Variants in GCNT1 observed in about 807,000 individuals in gnomAD.
The protein encoded by GCNT1 is glucosaminyl (N-acetyl) transferase 1, also known as beta-1,3-galactosyl-O-glycosyl-glycoprotein beta-1,6-N-acetylglucosaminyltransferase.
GCNT1 carries 16 observed loss-of-function variants against 26.2 expected under a neutral mutation model. That is an observed-to-expected ratio of 0.61 (90% CI 0.41 to 0.93). The LOEUF is 0.93. GCNT1 is among the 40% of genes least tolerant of loss of function. The probability of loss-of-function intolerance (pLI) is 0.00; values close to 1 mark genes in which losing one functional copy is unlikely to be tolerated. For missense variants in GCNT1, 477 were observed against 526.7 expected (o/e 0.91, Z 0.92); for synonymous variants, 183 against 190.8 (o/e 0.96, Z 0.34).
At position 76,504,758 on chromosome 9, in the gene GCNT1, A is replaced by C. The variant is rs1281381064; in HGVS notation, c.*1090A>C. 4.8e-6 allele frequency: 2 copies of C among 413,352 alleles called. No individual in the cohort carries two copies. Among genetic ancestry groups the C allele is most frequent in the Non-Finnish European group, 8.8e-6 (2 of 226,144 alleles). The allele number at this position is 413,352 out of a possible 1,614,324, so 25.6% of individuals were successfully genotyped here. Reference sequence around the variant, plus strand: ...CTAATGTCACCTGTATATTCATTTGAAAGGACTTGGCCCTGTTCTTGGGTC... The same window carrying C: ...CTAATGTCACCTGTATATTCATTTGCAAGGACTTGGCCCTGTTCTTGGGTC... On this transcript the variant is annotated 3_prime_UTR_variant, in exon 4 of 4. Coordinates refer to ENST00000376730, the MANE Select transcript of GCNT1 (RefSeq NM_001490.5).
intron 2 of GCNT1, among the ~76,000 whole-genome samples, chr9:76,492,242 A>T (rs1294381676): frequency 2.0e-5 from 3 of 152,286 alleles, no homozygotes; most frequent in South Asian, 4.1e-4. Flanking sequence ...CGGACAACAA[A>T]TGGGTAACTT....
chr9:76,463,066 A>G (rs533418607), intron 2 of GCNT1, among the ~76,000 whole-genome samples: 6 of 152,360 alleles, frequency 3.9e-5, no homozygotes, highest in African/African-American at 9.6e-5. Context: ...GCGCTACATA[A>G]TGTATGATAT....
chr9:76,497,844 CTAA>C (rs1269663479), intron 2 of GCNT1, among the ~76,000 whole-genome samples: 1 of 152,146 alleles, frequency 6.6e-6, no homozygotes, highest in Non-Finnish European at 1.5e-5. Context: ...TGTTACTATT[CTAA>C]TAATAGCTTT....
chr9:76,407,057 AG>A, the GCNT1 span, among the ~76,000 whole-genome samples: 1 of 152,096 alleles, frequency 6.6e-6, no homozygotes, highest in Non-Finnish European at 1.5e-5. Context: ...TAAAATAAAA[AG>A]TCATTCCCAT....
At position 76,428,292 on chromosome 9, in the gene GCNT1, T is replaced by TAAAAAAAAAAAA. The variant is rs1279001629; in HGVS notation, n.38+8416_38+8417insAAAAAAAAAAAA. On this transcript the variant is annotated intron_variant and non_coding_transcript_variant, in intron 1 of 3. Coordinates refer to the GCNT1 transcript ENST00000488136. ...AAAAAAAAAAAAAAAAAAAAAAACT[T>TAAAAAAAAAAAA]AAAAAAAAAAAGAGAGAGAGAAATG... Among the ~76,000 whole-genome samples, 409 of 85,818 alleles carry TAAAAAAAAAAAA rather than the reference T, an allele frequency of 4.8e-3. 18 individuals are homozygous for TAAAAAAAAAAAA. The highest frequency in any genetic ancestry group is 8.0e-3 in the Non-Finnish European group (309 of 38,732). The allele number at this position is 85,818 out of a possible 152,430, so 56.3% of individuals were successfully genotyped here. A position where few individuals can be genotyped will look rare whatever the true frequency, so the allele number is the denominator to read the frequency against.
chr9:76,471,586 G>A (rs1824133409), intron 2 of GCNT1, among the ~76,000 whole-genome samples: 2 of 152,120 alleles, frequency 1.3e-5, no homozygotes, highest in Admixed American at 6.5e-5. Context: ...AAACTTATGA[G>A]TTCCCTGAAA....
intron 2 of GCNT1, among the ~76,000 whole-genome samples, chr9:76,493,165 C>A (rs954827669): frequency 1.3e-5 from 2 of 152,142 alleles, no homozygotes; most frequent in African/African-American, 4.8e-5. Context: ...TCTCCTTCAT[C>A]CTTCTAGAAC....
intron 2 of GCNT1, among the ~76,000 whole-genome samples, chr9:76,468,579 G>A (rs1824059550): frequency 6.6e-6 from 1 of 152,182 alleles, no homozygotes; most frequent in Non-Finnish European, 1.5e-5. Flanking sequence ...GCCCTGGGGA[G>A]GGAGCAGGAC....
chr9:76,499,231 G>A (rs1166806382), intron 2 of GCNT1, among the ~76,000 whole-genome samples: 5 of 151,966 alleles, frequency 3.3e-5, no homozygotes, highest in Non-Finnish European at 1.5e-5. Flanking sequence ...AAGTTCAAGC[G>A]ATTCTCCTGC....
intron 2 of GCNT1, among the ~76,000 whole-genome samples, chr9:76,495,176 G>T (rs1824871900): frequency 1.3e-5 from 2 of 152,194 alleles, no homozygotes. Context: ...GATGTGTCCA[G>T]CATTGGTTCC....
In GCNT1 at chr9:76,425,000, G is replaced by A. The variant is rs183500034; in HGVS notation, n.38+5113G>A. Among the ~76,000 whole-genome samples, 282 of 151,906 alleles carry A rather than the reference G, an allele frequency of 1.9e-3. 4 individuals carry two copies. Among genetic ancestry groups the A allele is most frequent in the Middle Eastern group, 6.8e-3 (2 of 294 alleles). ...TAAAAATACAAAAAATTAGCCAGGCGTGGTATCACGCGCCTGTAGTCCCAG... is the reference window on the plus strand; with the variant it reads ...TAAAAATACAAAAAATTAGCCAGGCATGGTATCACGCGCCTGTAGTCCCAG... On this transcript the variant is annotated intron_variant and non_coding_transcript_variant, in intron 1 of 3. Transcript: ENST00000488136.
chr9:76,404,169 G>A, the GCNT1 span, among the ~76,000 whole-genome samples: 1 of 152,112 alleles, frequency 6.6e-6, no homozygotes. Flanking sequence ...AAATATAGGT[G>A]TTACCAACAG....
chr9:76,394,111 T>C, the GCNT1 span: 8 of 1,608,836 alleles, frequency 5.0e-6, no homozygotes, highest in Non-Finnish European at 6.8e-6. Flanking sequence ...CCCAGCTGCT[T>C]GGAGCCGCGG....
At chr9:76,399,515 A>G in the GCNT1 span, 4 of 1,587,522 alleles carry the variant, frequency 2.5e-6, no homozygotes, top group Non-Finnish European at 3.4e-6. Context: ...TCAGCCTGCC[A>G]CGGAAGACTG....
At chr9:76,448,241 C>G (rs1045209682) in intron 1 of GCNT1, among the ~76,000 whole-genome samples, 1 of 152,182 alleles carries the variant, frequency 6.6e-6, no homozygotes, top group Non-Finnish European at 1.5e-5. Flanking sequence ...TACTTAAGCC[C>G]AGGAGTTTGA....
chr9:76,437,424 C>T (rs771086061), upstream of GCNT1, among the ~76,000 whole-genome samples: 13 of 152,184 alleles, frequency 8.5e-5, 1 homozygote, highest in South Asian at 1.0e-3. Context: ...CTCCCACCAG[C>T]GCCATGACAG....
upstream of GCNT1, among the ~76,000 whole-genome samples, chr9:76,415,072 T>C (rs1032361498): frequency 6.6e-6 from 1 of 152,136 alleles, no homozygotes; most frequent in Non-Finnish European, 1.5e-5. Flanking sequence ...CTTTTTTTTT[T>C]CCTTGAGACA....
chr9:76,396,769 C>T, the GCNT1 span, among the ~76,000 whole-genome samples: 57 of 152,162 alleles, frequency 3.7e-4, no homozygotes, highest in Admixed American at 7.2e-4. Flanking sequence ...TCGAACCTGG[C>T]GGCAGTTGCA....
At chr9:76,439,000 T>C (rs1318237954), upstream of GCNT1, among the ~76,000 whole-genome samples, 1 of 152,148 alleles carries the variant, frequency 6.6e-6, no homozygotes, top group Non-Finnish European at 1.5e-5. Flanking sequence ...ACCACAACAC[T>C]CTTTTCTTTT....
Sources: gnomAD v4.1 joint callset for allele counts (sites outside exome capture counted in the v4.1 genomes callset) on GRCh38, gnomAD v4.1.1 for gene constraint, MANE v1.5 for transcripts, NCBI Gene and HGNC (gene_info 2026-07-23, HGNC 2026-07-21) for gene names.